AAK1: variants seen among roughly 807,000 people sequenced by gnomAD.
AAK1 encodes the protein AP2-associated protein kinase 1.
AAK1 carries 37 observed loss-of-function variants against 116.0 expected under a neutral mutation model. That is an observed-to-expected ratio of 0.32 (90% CI 0.25 to 0.42). AAK1 has a LOEUF of 0.42. Ranked by LOEUF, AAK1 falls within the 10% of genes least tolerant of loss-of-function variation. The probability of loss-of-function intolerance (pLI) is 1.00; values close to 1 mark genes in which losing one functional copy is unlikely to be tolerated. For missense variants in AAK1, 919 were observed against 1,170.6 expected (o/e 0.79, Z 3.14); for synonymous variants, 458 against 439.9 (o/e 1.04, Z -0.51).
At chr2:69,494,833 T>G (rs1402354628) in intron 17 of AAK1, among the ~76,000 whole-genome samples, 1 of 152,192 alleles carries the variant, frequency 6.6e-6, no homozygotes, top group Non-Finnish European at 1.5e-5. Context: ...CAGTACTACC[T>G]GATCAAGGCA....
At chr2:69,583,259 T>C (rs1359977827) in intron 2 of AAK1, among the ~76,000 whole-genome samples, 1 of 152,226 alleles carries the variant, frequency 6.6e-6, no homozygotes, top group Non-Finnish European at 1.5e-5. Flanking sequence ...ACCTCCGAAA[T>C]TCTATACAGG....
At chr2:69,527,113 G>C in intron 9 of AAK1, 103 bp downstream of exon 9, 2 of 817,060 alleles carry the variant, frequency 2.4e-6, no homozygotes, top group South Asian at 1.6e-5. Flanking sequence ...AGTAGATAAA[G>C]CAAGGGACAT....
intron 2 of AAK1, among the ~76,000 whole-genome samples, chr2:69,563,837 G>A (rs1340202409): frequency 1.3e-5 from 2 of 152,204 alleles, no homozygotes; most frequent in East Asian, 1.9e-4. Context: ...TCCAGGAGAC[G>A]TAAATGAACA....
intron 20 of AAK1, chr2:69,478,627 A>AT: frequency 4.1e-6 from 1 of 244,168 alleles, no homozygotes. Context: ...TAATTAAAAA[A>AT]TTTTTTTGTA....
intron 2 of AAK1, chr2:69,598,479 A>C (rs1055158463): frequency 5.1e-6 from 1 of 197,426 alleles, no homozygotes; most frequent in Non-Finnish European, 1.1e-5. Flanking sequence ...TTAAAAGTGG[A>C]TATTTATACT....
At chr2:69,481,092 C>A in intron 18 of AAK1, 131 bp from the exon 19 acceptor site, 1 of 759,238 alleles carries the variant, frequency 1.3e-6, no homozygotes, top group Admixed American at 2.9e-5. Flanking sequence ...TGCTCCTGAG[C>A]TCAAGCGATC....
At chr2:69,603,129 T>A (rs553829278) in intron 2 of AAK1, among the ~76,000 whole-genome samples, 2 of 152,330 alleles carry the variant, frequency 1.3e-5, no homozygotes, top group South Asian at 4.1e-4. Context: ...GACTTAGAAA[T>A]TCAATAAAGA....
chr2:69,495,844 C>T, intron 17 of AAK1, 141 bp downstream of exon 17: 1 of 649,306 alleles, frequency 1.5e-6, no homozygotes, highest in South Asian at 2.2e-5. Flanking sequence ...TATTGAGACA[C>T]AGTAAAAATA....
At chr2:69,497,673 G>T (rs1251255752) in intron 16 of AAK1, among the ~76,000 whole-genome samples, 1 of 151,482 alleles carries the variant, frequency 6.6e-6, no homozygotes, top group Non-Finnish European at 1.5e-5. Context: ...TTGTTTGTCA[G>T]CTGTCTTTCT....
Position 69,474,783 on chromosome 2 carries a change from T to C in AAK1, c.*1086A>G, listed in dbSNP as rs1674791811. The C allele has an allele frequency of 9.1e-6, 9 of 985,736 alleles. No individual in the cohort carries two copies. The highest frequency in any genetic ancestry group is 1.7e-5 in the African/African-American group (1 of 57,226). 61.1% of individuals were successfully genotyped at this position (985,736 alleles called of 1,614,324 possible). The stretch of plus-strand genomic sequence containing the variant: ...TTCCATATGTTACACTGTAGGATTG[T>C]TGTGTAGTTATACAAGGGAAAGAAA... On this transcript the variant is annotated 3_prime_UTR_variant, in exon 22 of 22. Transcript: ENST00000409085.
chr2:69,497,986 C>G (rs182986809), intron 16 of AAK1, among the ~76,000 whole-genome samples: 2 of 152,070 alleles, frequency 1.3e-5, no homozygotes, highest in African/African-American at 4.8e-5. Context: ...CTCTGGGACC[C>G]CACCCACACC....
At chr2:69,598,199 A>G (rs1673391011) in intron 2 of AAK1, 1 of 757,612 alleles carries the variant, frequency 1.3e-6, no homozygotes, top group Non-Finnish European at 1.9e-6. Flanking sequence ...TGATGTTTCC[A>G]TCGATATTTG....
chr2:69,580,165 C>T (rs538312785), intron 2 of AAK1, among the ~76,000 whole-genome samples: 2 of 152,332 alleles, frequency 1.3e-5, no homozygotes, highest in African/African-American at 2.4e-5. Flanking sequence ...TTCAGATCCT[C>T]CTCATTTTTC....
intron 2 of AAK1, among the ~76,000 whole-genome samples, chr2:69,602,700 C>T (rs1673631639): frequency 6.6e-6 from 1 of 152,096 alleles, no homozygotes; most frequent in South Asian, 2.1e-4. Context: ...GGCTGGCCTT[C>T]CTCCTTTGAT....
At chr2:69,555,668 G>A (rs1671361404) in intron 3 of AAK1, among the ~76,000 whole-genome samples, 2 of 152,126 alleles carry the variant, frequency 1.3e-5, no homozygotes, top group South Asian at 2.1e-4. Context: ...TTCATGTCAA[G>A]CAGTATGTTG....
chr2:69,549,964 T>C (rs923616305), intron 3 of AAK1, among the ~76,000 whole-genome samples: 1 of 152,232 alleles, frequency 6.6e-6, no homozygotes, highest in Non-Finnish European at 1.5e-5. Context: ...AAACGAGTTA[T>C]TTGTTAAATG....
chr2:69,598,023 A>G (rs866583008), intron 2 of AAK1: 2 of 390,282 alleles, frequency 5.1e-6, no homozygotes, highest in Non-Finnish European at 4.4e-6. Flanking sequence ...GAAAGGGAAG[A>G]CAAAATGTTA....
chr2:69,639,735 C>T (rs776508045), intron 2 of AAK1, among the ~76,000 whole-genome samples: 2 of 152,126 alleles, frequency 1.3e-5, no homozygotes, highest in Non-Finnish European at 2.9e-5. Flanking sequence ...CACACCACTC[C>T]TCCCTAAACT....
chr2:69,584,543 G>C (rs1432554874), intron 2 of AAK1, among the ~76,000 whole-genome samples: 1 of 152,138 alleles, frequency 6.6e-6, no homozygotes, highest in Non-Finnish European at 1.5e-5. Context: ...CTTGTTTCAA[G>C]TTGGGAACTT....
Sources: gnomAD v4.1 joint callset for allele counts (sites outside exome capture counted in the v4.1 genomes callset) on GRCh38, gnomAD v4.1.1 for gene constraint, MANE v1.5 for transcripts, NCBI Gene and HGNC (gene_info 2026-07-23, HGNC 2026-07-21) for gene names.